The following EPSTI1 variants were observed in gnomAD, a reference collection of about 807,000 sequenced individuals.
EPSTI1 encodes the protein epithelial-stromal interaction protein 1.
In EPSTI1, 66 loss-of-function variants were observed where a neutral mutation model predicts 49.9. The observed-to-expected ratio is 1.32, with a 90% CI of 1.08 to 1.62. The LOEUF (loss-of-function observed/expected upper bound fraction) is 1.62, where lower values mean the gene tolerates loss of function less well. Among genes scored for constraint, EPSTI1 ranks in the 40% most tolerant of loss-of-function variants. EPSTI1 has a pLI of 0.00. For synonymous variants in EPSTI1, 137 were observed against 130.7 expected, an observed-to-expected ratio of 1.05 and a Z score of -0.33; for missense variants, 394 against 365.5, an observed-to-expected ratio of 1.08 and a Z score of -0.64.
chr13:42,943,988 A>T (rs543428806), intron 6 of EPSTI1, among the ~76,000 whole-genome samples: 1 of 152,252 alleles, frequency 6.6e-6, no homozygotes, highest in Non-Finnish European at 1.5e-5. Flanking sequence ...CATGCCAGTT[A>T]GAATGGCGAT....
chr13:42,953,827 A>G, intron 6 of EPSTI1, 121 bp downstream of exon 6: 1 of 726,388 alleles, frequency 1.4e-6, no homozygotes, highest in Non-Finnish European at 2.2e-6. Context: ...TCAATTACAT[A>G]ATTAATACAA....
At chr13:42,900,183 G>A (rs2037314090) in intron 9 of EPSTI1, 127 bp downstream of exon 9, 1 of 814,112 alleles carries the variant, frequency 1.2e-6, no homozygotes, top group Non-Finnish European at 2.0e-6. Context: ...CCCAATAACA[G>A]ATTTAAAGGT....
chr13:42,970,796 GATA>G (rs2039748739), intron 1 of EPSTI1, 126 bp from the exon 2 acceptor site: 1 of 713,908 alleles, frequency 1.4e-6, no homozygotes, highest in East Asian at 2.6e-5. Context: ...CACTATGAAA[GATA>G]ATCTTCTTAA....
intron 9 of EPSTI1, among the ~76,000 whole-genome samples, chr13:42,895,601 G>C (rs1010773440): frequency 3.3e-5 from 5 of 152,172 alleles, no homozygotes; most frequent in Non-Finnish European, 5.9e-5. Context: ...AGAAATGGAA[G>C]GTGAGCTTAT....
chr13:42,965,465 C>T (rs946321763), intron 3 of EPSTI1, among the ~76,000 whole-genome samples: 25 of 152,166 alleles, frequency 1.6e-4, no homozygotes, highest in Non-Finnish European at 3.1e-4. Context: ...GAGGTAATGG[C>T]CCCTCAAAGC....
intron 6 of EPSTI1, among the ~76,000 whole-genome samples, chr13:42,950,680 G>A (rs9315974): frequency 0.45 from 68,003 of 152,040 alleles, 15,579 homozygotes; most frequent in Middle Eastern, 0.54. Flanking sequence ...TACCATTCCT[G>A]GTTTGCTGTA....
intron 10 of EPSTI1, among the ~76,000 whole-genome samples, chr13:42,893,623 G>A (rs931124870): frequency 1.3e-5 from 2 of 152,138 alleles, no homozygotes; most frequent in South Asian, 4.2e-4. Flanking sequence ...TCATTGGTGA[G>A]CCAGATTGCC....
chr13:42,917,644 A>C lies in EPSTI1; in HGVS notation c.658-20T>G, dbSNP rs1379444427. The C allele has an allele frequency of 7.1e-7, 1 of 1,407,694 alleles. No individual in the cohort carries two copies. The highest frequency in any genetic ancestry group is 9.6e-7 in the Non-Finnish European group (1 of 1,042,400). The allele number at this position is 1,407,694 out of a possible 1,614,324, so 87.2% of individuals were successfully genotyped here. A position where few individuals can be genotyped will look rare whatever the true frequency, so the allele number is the denominator to read the frequency against. ...TCTGGCCTGTAAAGGTACAAAGAGA[A>C]AAAAAAAAAAAAAAACAACTTGATA... On this transcript the variant is annotated intron_variant, in intron 7 of 10. Transcript: ENST00000313624.
intron 10 of EPSTI1, among the ~76,000 whole-genome samples, chr13:42,893,903 T>A (rs193179438): frequency 1.3e-5 from 2 of 152,248 alleles, no homozygotes; most frequent in Non-Finnish European, 2.9e-5. Context: ...CAAGACACTA[T>A]GTGTACTTTG....
intron 5 of EPSTI1, among the ~76,000 whole-genome samples, chr13:42,959,345 T>C (rs954590389): frequency 6.6e-6 from 1 of 152,242 alleles, no homozygotes; most frequent in African/African-American, 2.4e-5. Flanking sequence ...AAATGCATGA[T>C]GTAGGAGCCA....
At chr13:42,942,476 CA>C (rs2038784222) in intron 6 of EPSTI1, among the ~76,000 whole-genome samples, 1 of 151,818 alleles carries the variant, frequency 6.6e-6, no homozygotes, top group Non-Finnish European at 1.5e-5. Flanking sequence ...ATATAATTAG[CA>C]TATAATTAAA....
chr13:42,890,735 T>C (rs1231429356), intron 10 of EPSTI1, among the ~76,000 whole-genome samples: 3 of 152,200 alleles, frequency 2.0e-5, no homozygotes, highest in Non-Finnish European at 4.4e-5. Flanking sequence ...AAGCCTTTTT[T>C]TCTTCTAATA....
chr13:42,908,927 A>C (rs1165118553), intron 8 of EPSTI1, among the ~76,000 whole-genome samples: 1 of 83,058 alleles, frequency 1.2e-5, no homozygotes, highest in East Asian at 3.6e-4. Context: ...GACTAAAAAT[A>C]CAAAAAAAAA....
At chr13:42,945,988 C>A (rs1407333272) in intron 6 of EPSTI1, among the ~76,000 whole-genome samples, 1 of 152,156 alleles carries the variant, frequency 6.6e-6, no homozygotes, top group East Asian at 1.9e-4. Flanking sequence ...AATAGGATGA[C>A]TTTCTATTCA....
chr13:42,965,679 G>GTCCCTGTCCCTCTCCCTCTCCCTC (rs2039583387), intron 3 of EPSTI1, among the ~76,000 whole-genome samples: 1 of 15,524 alleles, frequency 6.4e-5, no homozygotes, highest in African/African-American at 2.3e-4. Context: ...TGGAGTCCCT[G>GTCCCTGTCCCTCTCCCTCTCCCTC]TCCCTCTCCC....
chr13:42,988,555 ACC>A (rs2040125268), intron 1 of EPSTI1, among the ~76,000 whole-genome samples: 1 of 152,046 alleles, frequency 6.6e-6, no homozygotes, highest in African/African-American at 2.4e-5. Context: ...ATGTGGCGAA[ACC>A]CCGTCTCTAC....
chr13:42,907,934 A>C (rs2037544966), intron 8 of EPSTI1, among the ~76,000 whole-genome samples: 1 of 152,226 alleles, frequency 6.6e-6, no homozygotes, highest in Admixed American at 6.5e-5. Context: ...GAGTCCAAAA[A>C]TACATCCACA....
chr13:42,962,361 G>A (rs1287879432), intron 5 of EPSTI1, among the ~76,000 whole-genome samples: 3 of 151,944 alleles, frequency 2.0e-5, no homozygotes, highest in East Asian at 1.9e-4. Flanking sequence ...ATTTTCAATG[G>A]GAAGGGTCTA....
rs1227405221 is a variant in EPSTI1 at position 42,888,445 on chromosome 13, A to G, written c.*49T>C. 1 of 1,614,084 alleles carries G rather than the reference A, an allele frequency of 6.2e-7. No individual in the cohort carries two copies. Among genetic ancestry groups the G allele is most frequent in the South Asian group, 1.1e-5 (1 of 91,076 alleles). On this transcript the variant is annotated 3_prime_UTR_variant, in exon 11 of 11. Coordinates refer to ENST00000313624, the MANE Select transcript of EPSTI1 (RefSeq NM_033255.5). Reference sequence around the variant, plus strand: ...TCACATTAAGAAAAAGCATCTCATGAGGCTTTTCGAGGTCAGTTGATGAAG... The same window carrying G: ...TCACATTAAGAAAAAGCATCTCATGGGGCTTTTCGAGGTCAGTTGATGAAG...
Sources: gnomAD v4.1 joint callset for allele counts (sites outside exome capture counted in the v4.1 genomes callset) on GRCh38, gnomAD v4.1.1 for gene constraint, MANE v1.5 for transcripts, NCBI Gene and HGNC (gene_info 2026-07-23, HGNC 2026-07-21) for gene names.